FAXDC2: variants seen among roughly 807,000 people sequenced by gnomAD.
FAXDC2 encodes fatty acid hydroxylase domain containing 2.
A neutral mutation model predicts 40.9 loss-of-function variants in FAXDC2; 41 were observed. The observed-to-expected ratio is 1.00, with a 90% CI of 0.78 to 1.30. The LOEUF (loss-of-function observed/expected upper bound fraction) is 1.30. FAXDC2 is among the 50% of genes most tolerant of loss of function. The pLI is 0.00. For synonymous variants in FAXDC2, 157 were observed against 149.3 expected (o/e 1.05, Z -0.38); for missense variants, 390 against 408.8 (o/e 0.95, Z 0.40).
intron 7 of FAXDC2, 46 bp downstream of exon 7, chr5:154,822,426 T>G: frequency 7.2e-7 from 1 of 1,382,966 alleles, no homozygotes; most frequent in East Asian, 2.3e-5. Flanking sequence ...GGAAGGTGGT[T>G]GGGGCCATCT....
At chr5:154,840,616 C>T (rs1025014715) in intron 1 of FAXDC2, among the ~76,000 whole-genome samples, 6 of 152,082 alleles carry the variant, frequency 3.9e-5, no homozygotes, top group African/African-American at 1.2e-4. Flanking sequence ...GCAACCTCTG[C>T]CTCCCAGGCT....
At chr5:154,847,530 C>T (rs1291319443) in intron 1 of FAXDC2, among the ~76,000 whole-genome samples, 3 of 145,972 alleles carry the variant, frequency 2.1e-5, no homozygotes, top group Non-Finnish European at 4.5e-5. Context: ...TCATGTTGCG[C>T]AGGCTGGAGT....
chr5:154,835,883 C>CTTTTTTT (rs869068025), intron 2 of FAXDC2, among the ~76,000 whole-genome samples: 8 of 47,870 alleles, frequency 1.7e-4, no homozygotes, highest in African/African-American at 2.5e-4. Flanking sequence ...GCCCGGCCGA[C>CTTTTTTT]TTTTTTTTTT....
chr5:154,839,909 C>A (rs1451883974), intron 1 of FAXDC2, among the ~76,000 whole-genome samples: 1 of 152,164 alleles, frequency 6.6e-6, no homozygotes, highest in East Asian at 1.9e-4. Flanking sequence ...GGCAGGCACA[C>A]CAGTCCAGAG....
intron 7 of FAXDC2, 184 bp downstream of exon 7, chr5:154,822,288 T>C: frequency 1.7e-6 from 1 of 588,818 alleles, no homozygotes; most frequent in Non-Finnish European, 3.0e-6. Context: ...GTTGGGATGA[T>C]TAAATGAGAC....
intron 1 of FAXDC2, among the ~76,000 whole-genome samples, chr5:154,845,972 A>AT (rs1760589793): frequency 1.3e-5 from 2 of 150,180 alleles, no homozygotes; most frequent in South Asian, 2.1e-4. Context: ...ATATATATAT[A>AT]TATTTTTTTT....
chr5:154,823,202 C>A, intron 6 of FAXDC2, 185 bp downstream of exon 6: 1 of 591,490 alleles, frequency 1.7e-6, no homozygotes, highest in Non-Finnish European at 3.0e-6. Flanking sequence ...TTTGTAGAGA[C>A]GGGGTCTCCT....
chr5:154,824,447 G>C, intron 5 of FAXDC2: 1 of 702,248 alleles, frequency 1.4e-6, no homozygotes, highest in Non-Finnish European at 2.6e-6. Flanking sequence ...ATGGTCCCCA[G>C]CTTGAGGCCT....
chr5:154,838,385 A>G (rs79863848), intron 1 of FAXDC2, among the ~76,000 whole-genome samples: 3,245 of 152,254 alleles, frequency 0.021, 52 homozygotes, highest in South Asian at 0.039. Flanking sequence ...AATGCCAGAA[A>G]AGAAAAAGAG....
At chr5:154,831,655 C>A (rs1040185042) in intron 4 of FAXDC2, among the ~76,000 whole-genome samples, 18 of 152,142 alleles carry the variant, frequency 1.2e-4, no homozygotes, top group African/African-American at 4.1e-4. Flanking sequence ...TGCCCCTCCA[C>A]CAGCACCCTT....
At chr5:154,844,258 T>C (rs1272944304) in intron 1 of FAXDC2, among the ~76,000 whole-genome samples, 1 of 151,516 alleles carries the variant, frequency 6.6e-6, no homozygotes, top group African/African-American at 2.4e-5. Context: ...AGTGAGACCC[T>C]GTCCCTACAA....
At chr5:154,833,989 A>G (rs1189694441) in intron 4 of FAXDC2, among the ~76,000 whole-genome samples, 2 of 150,708 alleles carry the variant, frequency 1.3e-5, no homozygotes, top group Non-Finnish European at 3.0e-5. Context: ...ATATTTCTAT[A>G]TCCTCGATAC....
At chr5:154,832,407 G>A (rs1760216492) in intron 4 of FAXDC2, among the ~76,000 whole-genome samples, 1 of 152,082 alleles carries the variant, frequency 6.6e-6, no homozygotes, top group South Asian at 2.1e-4. Flanking sequence ...TAGAGACGGG[G>A]TTTCACCATG....
At chr5:154,835,263 C>G (rs1582532585) in intron 2 of FAXDC2, 1 of 241,810 alleles carries the variant, frequency 4.1e-6, no homozygotes, top group East Asian at 1.1e-4. Flanking sequence ...ATCACCAGTC[C>G]TCTTGGCAAA....
intron 2 of FAXDC2, among the ~76,000 whole-genome samples, chr5:154,837,279 GTT>G (rs545273703): frequency 1.3e-3 from 189 of 150,560 alleles, no homozygotes; most frequent in African/African-American, 4.3e-3. Flanking sequence ...TCTTTTTTTT[GTT>G]TTTTTGTTTG....
At chr5:154,841,586 T>C (rs937300187) in intron 1 of FAXDC2, among the ~76,000 whole-genome samples, 4 of 152,234 alleles carry the variant, frequency 2.6e-5, no homozygotes, top group Non-Finnish European at 5.9e-5. Flanking sequence ...AGAATTATTC[T>C]TTAAATAATG....
intron 1 of FAXDC2, among the ~76,000 whole-genome samples, chr5:154,845,335 C>G (rs1397380599): frequency 1.3e-5 from 2 of 152,220 alleles, no homozygotes; most frequent in African/African-American, 4.8e-5. Flanking sequence ...TGATAGTGTT[C>G]AAGTTAGAAA....
chr5:154,828,745 C>T lies in FAXDC2; in HGVS notation c.366+2056G>A, dbSNP rs183032886. On this transcript the variant is annotated intron_variant, in intron 5 of 8. Transcript: ENST00000326080. ...CTGACTAGCTGAGACTACAGACACACGCCACTGTGCCCGGCTAATTAAAAT... is the reference window on the plus strand; with the variant it reads ...CTGACTAGCTGAGACTACAGACACATGCCACTGTGCCCGGCTAATTAAAAT... 3.1e-3 allele frequency among the ~76,000 whole-genome samples: 475 copies of T among 151,408 alleles called. 4 individuals are homozygous for T. Among genetic ancestry groups the T allele is most frequent in the Non-Finnish European group, 5.8e-3 (394 of 67,860 alleles).
intron 8 of FAXDC2, 190 bp from the exon 9 acceptor site, chr5:154,820,662 G>T: frequency 2.0e-6 from 1 of 492,028 alleles, no homozygotes; most frequent in South Asian, 3.4e-5. Flanking sequence ...CTCCAAACCT[G>T]CAATTTGCCG....
Sources: gnomAD v4.1 joint callset for allele counts (sites outside exome capture counted in the v4.1 genomes callset) on GRCh38, gnomAD v4.1.1 for gene constraint, MANE v1.5 for transcripts, NCBI Gene and HGNC (gene_info 2026-07-23, HGNC 2026-07-21) for gene names.